The following CNTNAP5 variants were observed in gnomAD, a reference collection of about 807,000 sequenced individuals.
The protein encoded by CNTNAP5 is contactin associated protein family member 5.
A neutral mutation model predicts 150.2 loss-of-function variants in CNTNAP5; 72 were observed. The ratio of observed to expected loss-of-function variants is 0.48; its 90% CI spans 0.40 to 0.58. The LOEUF (loss-of-function observed/expected upper bound fraction) is 0.58, where lower values mean the gene tolerates loss of function less well. Ranked by LOEUF, CNTNAP5 falls within the 20% of genes least tolerant of loss-of-function variation. The pLI is 0.00. For synonymous variants in CNTNAP5, 672 were observed against 619.8 expected, an observed-to-expected ratio of 1.08 and a Z score of -1.25; for missense variants, 1,636 against 1,626.2, an observed-to-expected ratio of 1.01 and a Z score of -0.10.
Position 124,629,954 on chromosome 2 carries a change from A to T in CNTNAP5, c.1877-17804A>T, listed in dbSNP as rs1279005183. Among the ~76,000 whole-genome samples, 3 of 150,446 alleles carry T rather than the reference A, an allele frequency of 2.0e-5. No homozygotes were observed. In the South Asian group the frequency reaches 6.3e-4, roughly 31 times the overall value. On this transcript the variant is annotated intron_variant, in intron 12 of 23. Transcript: ENST00000682447. ...CTCTATGCAAAAAAAAAAAAAAAAA[A>T]ACTGGAAAACCTGGAAGAAATGGAT...
At chr2:124,653,886 C>T (rs575316105) in intron 13 of CNTNAP5, among the ~76,000 whole-genome samples, 3 of 141,758 alleles carry the variant, frequency 2.1e-5, no homozygotes, top group African/African-American at 7.9e-5. Context: ...GTAGGGAAGA[C>T]AGAAACATGC....
At chr2:124,095,098 T>C (rs1281623406) in intron 1 of CNTNAP5, among the ~76,000 whole-genome samples, 1 of 152,194 alleles carries the variant, frequency 6.6e-6, no homozygotes, top group South Asian at 2.1e-4. Context: ...TCAACCCAAA[T>C]GTCCATCAAT....
chr2:124,381,679 T>G (rs1395787853), intron 3 of CNTNAP5, among the ~76,000 whole-genome samples: 1 of 152,082 alleles, frequency 6.6e-6, no homozygotes, highest in African/African-American at 2.4e-5. Flanking sequence ...CTACAAAGTT[T>G]GAGTCACCTA....
At chr2:124,903,502 T>C (rs748735833) in intron 22 of CNTNAP5, among the ~76,000 whole-genome samples, 17 of 152,164 alleles carry the variant, frequency 1.1e-4, no homozygotes, top group Non-Finnish European at 2.2e-4. Context: ...AATAAACCTT[T>C]TTTAGCTTTA....
intron 3 of CNTNAP5, among the ~76,000 whole-genome samples, chr2:124,338,461 G>C (rs1054897543): frequency 6.6e-6 from 1 of 152,088 alleles, no homozygotes; most frequent in African/African-American, 2.4e-5. Flanking sequence ...TTCTATAAGG[G>C]CCTTTTGTTA....
intron 3 of CNTNAP5, among the ~76,000 whole-genome samples, chr2:124,383,519 T>C (rs1398616302): frequency 6.6e-6 from 1 of 152,192 alleles, no homozygotes; most frequent in Non-Finnish European, 1.5e-5. Context: ...CCATACACTC[T>C]GGTACTGCAG....
chr2:124,029,743 A>T (rs975817746), intron 1 of CNTNAP5, among the ~76,000 whole-genome samples: 1 of 151,802 alleles, frequency 6.6e-6, no homozygotes, highest in Non-Finnish European at 1.5e-5. Flanking sequence ...CTTAATGCCC[A>T]TTTGTTAAAA....
chr2:124,904,053 C>CAAAAA lies in CNTNAP5; in HGVS notation c.3655+960_3655+964dup, dbSNP rs74764844. ...TGGGGTATAGAGTGAGACTCTGTTT[C>CAAAAA]AAAAAAAAAAACAAAAAAAAAAAAA... On this transcript the variant is annotated intron_variant, in intron 22 of 23. Coordinates refer to ENST00000682447, the MANE Select transcript of CNTNAP5 (RefSeq NM_001367498.1). 1.6e-4 allele frequency among the ~76,000 whole-genome samples: 14 copies of CAAAAA among 88,624 alleles called. 1 individual carries two copies. Among genetic ancestry groups the CAAAAA allele is most frequent in the African/African-American group, 2.9e-4 (6 of 20,382 alleles). 58.1% of individuals were successfully genotyped at this position (88,624 alleles called of 152,430 possible).
At chr2:124,516,999 C>T (rs1203448690) in intron 8 of CNTNAP5, among the ~76,000 whole-genome samples, 2 of 152,164 alleles carry the variant, frequency 1.3e-5, no homozygotes, top group East Asian at 1.9e-4. Context: ...CACCTTTTAG[C>T]CCACCCATCC....
intron 1 of CNTNAP5, among the ~76,000 whole-genome samples, chr2:124,197,832 T>A (rs980913799): frequency 2.0e-5 from 3 of 151,780 alleles, no homozygotes; most frequent in African/African-American, 7.3e-5. Context: ...ATACAAAAAA[T>A]TAGCCAGGAG....
At chr2:124,178,911 T>G (rs1478421955) in intron 1 of CNTNAP5, among the ~76,000 whole-genome samples, 2 of 7,616 alleles carry the variant, frequency 2.6e-4, no homozygotes, top group Non-Finnish European at 3.7e-4. Flanking sequence ...TTATTTGTTA[T>G]TTATTTATTT....
intron 2 of CNTNAP5, among the ~76,000 whole-genome samples, chr2:124,229,129 T>A (rs1174456471): frequency 9.2e-5 from 14 of 152,090 alleles, no homozygotes; most frequent in Non-Finnish European, 1.9e-4. Flanking sequence ...GCGTAACTGA[T>A]CAGTTTGCCA....
intron 7 of CNTNAP5, among the ~76,000 whole-genome samples, chr2:124,487,676 A>T (rs1247961336): frequency 2.6e-5 from 4 of 152,012 alleles, no homozygotes; most frequent in African/African-American, 9.7e-5. Context: ...GGGCACATAT[A>T]ATCCTCCATA....
chr2:124,529,530 A>T (rs747152890), intron 10 of CNTNAP5, among the ~76,000 whole-genome samples: 10 of 152,216 alleles, frequency 6.6e-5, no homozygotes, highest in Admixed American at 1.3e-4. Context: ...AGCTGGGGCA[A>T]GGGACTGTGT....
intron 22 of CNTNAP5, among the ~76,000 whole-genome samples, chr2:124,909,824 GACATATAT>G (rs1305001504): frequency 1.4e-4 from 4 of 29,202 alleles, no homozygotes; most frequent in Admixed American, 4.1e-4. Flanking sequence ...ATCAATTGGT[GACATATAT>G]ATATATATAT....
At chr2:124,758,435 A>ATG (rs374940333) in intron 14 of CNTNAP5, among the ~76,000 whole-genome samples, 8 of 151,782 alleles carry the variant, frequency 5.3e-5, no homozygotes, top group South Asian at 4.1e-4. Context: ...ATGAAGGAAC[A>ATG]TGTGTGTGTG....
At chr2:124,163,042 G>A (rs1411279929) in intron 1 of CNTNAP5, among the ~76,000 whole-genome samples, 3 of 152,026 alleles carry the variant, frequency 2.0e-5, no homozygotes, top group African/African-American at 7.2e-5. Context: ...TTATGTAACT[G>A]GTACATTCTT....
At chr2:124,499,439 G>T (rs1573415793) in intron 7 of CNTNAP5, among the ~76,000 whole-genome samples, 1 of 152,346 alleles carries the variant, frequency 6.6e-6, no homozygotes, top group Non-Finnish European at 1.5e-5. Context: ...GCTGGGCCCT[G>T]CAGGGCAAAA....
chr2:124,182,904 A>G (rs1211246632), intron 1 of CNTNAP5, among the ~76,000 whole-genome samples: 2 of 152,124 alleles, frequency 1.3e-5, no homozygotes, highest in African/African-American at 2.4e-5. Flanking sequence ...TACATTTCTG[A>G]ATCTTTCATG....
Sources: allele counts gnomAD v4.1 joint callset (sites outside exome capture counted in the v4.1 genomes callset), GRCh38; gene constraint gnomAD v4.1.1; transcripts MANE v1.5; gene names NCBI Gene and HGNC (gene_info 2026-07-23, HGNC 2026-07-21).